The following ADARB1 variants were observed in gnomAD, a reference collection of about 807,000 sequenced individuals.
ADARB1 encodes double-stranded RNA-specific editase 1.
Under a neutral mutation model 52.4 loss-of-function variants are expected in ADARB1, and 10 were observed. The ratio of observed to expected loss-of-function variants is 0.19; its 90% CI spans 0.12 to 0.32. ADARB1 has a LOEUF of 0.32. Among genes scored for constraint, ADARB1 ranks in the 10% least tolerant of loss-of-function variants. The pLI, the probability that ADARB1 is intolerant of heterozygous loss-of-function variation, is 1.00. For missense variants in ADARB1, 643 were observed against 922.3 expected, an observed-to-expected ratio of 0.70 and a Z score of 3.92; for synonymous variants, 349 against 371.1, an observed-to-expected ratio of 0.94 and a Z score of 0.68.
intron 9 of ADARB1, among the ~76,000 whole-genome samples, chr21:45,215,991 C>T (rs2092854886): frequency 6.6e-6 from 1 of 152,116 alleles, no homozygotes; most frequent in African/African-American, 2.4e-5. Context: ...ATTTATTTTT[C>T]TATAATAGAT....
intron 1 of ADARB1, among the ~76,000 whole-genome samples, chr21:45,112,462 C>T (rs2087585694): frequency 6.6e-6 from 1 of 151,834 alleles, no homozygotes; most frequent in Admixed American, 6.6e-5. Context: ...CTTCCCTGGA[C>T]TTTCTGGGCT....
At chr21:45,186,119 G>A (rs570575534) in intron 8 of ADARB1, among the ~76,000 whole-genome samples, 1 of 152,278 alleles carries the variant, frequency 6.6e-6, no homozygotes, top group African/African-American at 2.4e-5. Flanking sequence ...GTGGGGGAGG[G>A]GGGTGTACTC....
chr21:45,150,179 C>T lies in ADARB1; in HGVS notation c.-47-21431C>T, dbSNP rs900074040. ...GCGCACGCTACTTGGGAGGCCAAGG[C>T]AGGAGAATCGCTTGAATCCAGGAGG... On this transcript the variant is annotated intron_variant, in intron 2 of 10. Transcript: ENST00000348831. Among the ~76,000 whole-genome samples the T allele has an allele frequency of 2.6e-5, 4 of 152,308 alleles. No individual in the cohort carries two copies. In the South Asian group the frequency reaches 8.3e-4, roughly 32 times the overall value.
In ADARB1 at chr21:45,220,767, G is replaced by C; in HGVS notation, c.1748-69G>C. 1 of 1,550,642 alleles carries C rather than the reference G, an allele frequency of 6.4e-7. No individual in the cohort carries two copies. Among genetic ancestry groups the C allele is most frequent in the Non-Finnish European group, 8.8e-7 (1 of 1,133,868 alleles). ...TGGCCATGTCTGAGCACAGTGTGCC[G>C]CCCGTGGCTGCTCCCTCCCTGGGGG... On this transcript the variant is annotated intron_variant, in intron 9 of 10. Coordinates refer to ENST00000348831, the MANE Select transcript of ADARB1 (RefSeq NM_001112.4). This position sits in a 1 kb window ranked among gnomAD's most constrained non-coding sequence, Gnocchi z 6.3.
At chr21:45,097,421 A>T (rs903473286) in intron 1 of ADARB1, among the ~76,000 whole-genome samples, 32 of 151,902 alleles carry the variant, frequency 2.1e-4, no homozygotes, top group African/African-American at 7.5e-4. Flanking sequence ...GGCGTTGGCC[A>T]TGGTAGAGAA....
rs141104595 is a variant in ADARB1 at position 45,215,993 on chromosome 21, A to G, written c.1748-4843A>G. Among the ~76,000 whole-genome samples the G allele has an allele frequency of 3.9e-5, 6 of 152,318 alleles. No homozygotes were observed. The East Asian group carries it at 9.6e-4, about 24-fold the overall frequency. Reference sequence around the variant, plus strand: ...AATTCTAACTACAATTTATTTTTCTATAATAGATTTAGGGCTATTCATGTT... The same window carrying G: ...AATTCTAACTACAATTTATTTTTCTGTAATAGATTTAGGGCTATTCATGTT... On this transcript the variant is annotated intron_variant, in intron 9 of 10. Transcript: ENST00000348831.
intron 4 of ADARB1, among the ~76,000 whole-genome samples, chr21:45,177,710 AGT>A (rs1332175711): frequency 6.6e-6 from 1 of 152,152 alleles, no homozygotes; most frequent in East Asian, 1.9e-4. Flanking sequence ...GAAGAATCCA[AGT>A]GTCTTATAGT....
intron 1 of ADARB1, among the ~76,000 whole-genome samples, chr21:45,107,170 A>T (rs1456272981): frequency 6.6e-6 from 1 of 152,232 alleles, no homozygotes; most frequent in Non-Finnish European, 1.5e-5. Context: ...ATGTAATGAG[A>T]ACTGTTCAAA....
Position 45,142,263 on chromosome 21 carries a change from A to G in ADARB1, c.-48+13690A>G, listed in dbSNP as rs999120565. On this transcript the variant is annotated intron_variant, in intron 2 of 10. Coordinates refer to ENST00000348831, the MANE Select transcript of ADARB1 (RefSeq NM_001112.4). This position sits in a 1 kb window ranked among gnomAD's most constrained non-coding sequence, Gnocchi z 4.0. ...TTGTTTTTCAAATCGAACACCCGCTATACTCATTTGAGAAGTGTAGACTTT... is the reference window on the plus strand; with the variant it reads ...TTGTTTTTCAAATCGAACACCCGCTGTACTCATTTGAGAAGTGTAGACTTT... Among the ~76,000 whole-genome samples, 1 of 152,208 alleles carries G rather than the reference A, an allele frequency of 6.6e-6. No homozygotes were observed. The highest frequency in any genetic ancestry group is 2.4e-5 in the African/African-American group (1 of 41,454).
At chr21:45,212,235 G>C (rs1445395205) in intron 9 of ADARB1, among the ~76,000 whole-genome samples, 1 of 152,162 alleles carries the variant, frequency 6.6e-6, no homozygotes, top group African/African-American at 2.4e-5. Flanking sequence ...TTCCCCAGCA[G>C]TTTAAATGGA....
intron 1 of ADARB1, among the ~76,000 whole-genome samples, chr21:45,126,358 C>T (rs1358623864): frequency 6.6e-6 from 1 of 152,144 alleles, no homozygotes; most frequent in Non-Finnish European, 1.5e-5. Context: ...GATCTTCCAT[C>T]TCTCCACTGT....
chr21:45,119,099 AT>A (rs2087996258), intron 1 of ADARB1, among the ~76,000 whole-genome samples: 1 of 152,292 alleles, frequency 6.6e-6, no homozygotes, highest in African/African-American at 2.4e-5. Context: ...CTTTTAATTA[AT>A]TAATTTAGAG....
At chr21:45,189,837 G>T (rs1739805691) in intron 8 of ADARB1, among the ~76,000 whole-genome samples, 1 of 150,682 alleles carries the variant, frequency 6.6e-6, no homozygotes, top group Admixed American at 6.6e-5. Flanking sequence ...ATCCTCCCTT[G>T]TATATGACAA....
chr21:45,111,367 G>A (rs570623476), intron 1 of ADARB1, among the ~76,000 whole-genome samples: 13 of 152,236 alleles, frequency 8.5e-5, no homozygotes, highest in South Asian at 8.3e-4. Context: ...AAGATTTCCC[G>A]TATGCCCCCT....
Position 45,130,211 on chromosome 21 carries a change from T to C in ADARB1, c.-48+1638T>C, listed in dbSNP as rs1389643221. 3.3e-5 allele frequency among the ~76,000 whole-genome samples: 5 copies of C among 152,230 alleles called. No homozygotes were observed. The East Asian group carries it at 9.6e-4, about 29-fold the overall frequency. ...GATTTGTGACTACCTATTTTTAACATGCCACAGAAGTAAAACATTGCATTA... is the reference window on the plus strand; with the variant it reads ...GATTTGTGACTACCTATTTTTAACACGCCACAGAAGTAAAACATTGCATTA... On this transcript the variant is annotated intron_variant, in intron 2 of 10. Coordinates refer to ENST00000348831, the MANE Select transcript of ADARB1 (RefSeq NM_001112.4).
chr21:45,142,858 C>T lies in ADARB1; in HGVS notation c.-48+14285C>T, dbSNP rs2089802014. 1.3e-5 allele frequency among the ~76,000 whole-genome samples: 2 copies of T among 152,138 alleles called. No individual in the cohort carries two copies. The highest frequency in any genetic ancestry group is 4.1e-4 in the South Asian group (2 of 4,832). On this transcript the variant is annotated intron_variant, in intron 2 of 10. Coordinates refer to ENST00000348831, the MANE Select transcript of ADARB1 (RefSeq NM_001112.4). This position sits in a 1 kb window ranked among gnomAD's most constrained non-coding sequence, Gnocchi z 4.0. ...GGCCCTTGGCTAATAGAAGAGGGAGCAGGGCTTTGACCAGGGGGACCAGCT... is the reference window on the plus strand; with the variant it reads ...GGCCCTTGGCTAATAGAAGAGGGAGTAGGGCTTTGACCAGGGGGACCAGCT...
rs553319834 is a variant in ADARB1, at chr21:45,224,595, G to A, written c.*2398G>A. On this transcript the variant is annotated 3_prime_UTR_variant, in exon 11 of 11. Transcript: ENST00000348831. ...GTGCCCTGGGCAGGGGGCTACTGGG[G>A]GGCGGCTGTGAGGAGGAGTTGGGTT... The A allele has an allele frequency of 2.0e-4, 176 of 865,290 alleles. 2 individuals are homozygous for A. In the African/African-American group the frequency reaches 2.6e-3, roughly 13 times the overall value. 53.6% of individuals were successfully genotyped at this position (865,290 alleles called of 1,614,324 possible).
At chr21:45,092,524 G>A (rs2086600733) in intron 1 of ADARB1, among the ~76,000 whole-genome samples, 1 of 152,080 alleles carries the variant, frequency 6.6e-6, no homozygotes, top group Non-Finnish European at 1.5e-5. Context: ...ATCCTGGTAG[G>A]TGACCTTTAA....
At chr21:45,140,429 G>T (rs1219436461) in intron 2 of ADARB1, among the ~76,000 whole-genome samples, 2 of 152,172 alleles carry the variant, frequency 1.3e-5, no homozygotes, top group African/African-American at 2.4e-5. Context: ...TGAGGTACAG[G>T]TCCGCCCCTG....
Sources: gnomAD v4.1 joint callset for allele counts (sites outside exome capture counted in the v4.1 genomes callset) on GRCh38, gnomAD v4.1.1 for gene constraint, Gnocchi (gnomAD v3.1) non-coding constraint, MANE v1.5 for transcripts, NCBI Gene and HGNC (gene_info 2026-07-23, HGNC 2026-07-21) for gene names.